KCNT2: variants seen among roughly 807,000 people sequenced by gnomAD.
KCNT2 encodes potassium sodium-activated channel subfamily T member 2.
In KCNT2, 67 loss-of-function variants were observed where a neutral mutation model predicts 153.8. That is an observed-to-expected ratio of 0.44 (90% CI 0.36 to 0.53). KCNT2 has a LOEUF of 0.53. Ranked by LOEUF, KCNT2 falls within the 20% of genes least tolerant of loss-of-function variation. KCNT2 has a pLI of 0.00. For synonymous variants in KCNT2, 500 were observed against 458.8 expected (o/e 1.09, Z -1.15); for missense variants, 975 against 1,354.8 (o/e 0.72, Z 4.40).
At chr1:196,551,551 T>A (rs1657905129) in intron 1 of KCNT2, among the ~76,000 whole-genome samples, 1 of 151,700 alleles carries the variant, frequency 6.6e-6, no homozygotes, top group Non-Finnish European at 1.5e-5. Context: ...AATGTGAATA[T>A]CCTTAGATGC....
intron 14 of KCNT2, among the ~76,000 whole-genome samples, chr1:196,342,660 G>A (rs1275668001): frequency 6.6e-6 from 1 of 151,462 alleles, no homozygotes; most frequent in Admixed American, 6.6e-5. Context: ...TGATACCTGC[G>A]TGGCTGCTGT....
intron 1 of KCNT2, among the ~76,000 whole-genome samples, chr1:196,525,753 A>G (rs998722697): frequency 6.6e-6 from 1 of 152,236 alleles, no homozygotes; most frequent in Non-Finnish European, 1.5e-5. Context: ...GTTTACAGCC[A>G]TGTTGGCCAG....
intron 1 of KCNT2, among the ~76,000 whole-genome samples, chr1:196,572,350 C>T (rs1660879107): frequency 6.6e-6 from 1 of 151,968 alleles, no homozygotes; most frequent in African/African-American, 2.4e-5. Flanking sequence ...GTGTGATGAC[C>T]TAGTCACTGT....
At chr1:196,470,373 G>C (rs1263241828) in intron 5 of KCNT2, among the ~76,000 whole-genome samples, 1 of 152,172 alleles carries the variant, frequency 6.6e-6, no homozygotes, top group African/African-American at 2.4e-5. Context: ...TAAGGCAAAA[G>C]TGCCTATTTT....
At chr1:196,414,822 T>G (rs1672625120) in intron 12 of KCNT2, among the ~76,000 whole-genome samples, 1 of 151,890 alleles carries the variant, frequency 6.6e-6, no homozygotes, top group Non-Finnish European at 1.5e-5. Context: ...CTGACAGTCT[T>G]TAGACAAGTT....
In KCNT2 at chr1:196,555,640, TA is replaced by T. The variant is rs956056173; in HGVS notation, c.95+52574del. Among the ~76,000 whole-genome samples the T allele has an allele frequency of 6.6e-5, 10 of 150,888 alleles. No homozygotes were observed. In the South Asian group the frequency reaches 1.2e-3, roughly 19 times the overall value. ...ATACCAATGACATTCTTCACAGAAA[TA>T]AAAAAATATATAAAATTTATATGGA... is the stretch of plus-strand genomic sequence containing the variant. On this transcript the variant is annotated intron_variant, in intron 1 of 27. Coordinates refer to ENST00000294725, the MANE Select transcript of KCNT2 (RefSeq NM_198503.5).
intron 1 of KCNT2, among the ~76,000 whole-genome samples, chr1:196,584,860 G>A (rs1431831932): frequency 5.3e-5 from 8 of 151,938 alleles, no homozygotes; most frequent in Admixed American, 6.6e-5. Context: ...TAATATTCAG[G>A]AGACTTTGCC....
Position 196,326,745 on chromosome 1 carries a change from T to A in KCNT2, c.2248A>T (p.Asn750Tyr). The A allele has an allele frequency of 5.2e-6, 8 of 1,550,650 alleles. No individual in the cohort carries two copies. Among genetic ancestry groups the A allele is most frequent in the Non-Finnish European group, 6.9e-6 (8 of 1,156,508 alleles). Reference protein sequence around the residue: ...RAYYRPKKELNPIVLLLDNPP... With the variant: ...RAYYRPKKELYPIVLLLDNPP... ...TTATCCAATAGCAGTACTATGGGAT[T>A]AAGTTCTTTCTTTGGTCTATAATAT... is the stretch of plus-strand genomic sequence containing the variant. The change falls in exon 19 of 28, where the codon AAT becomes TAT. Residue 750 changes from asparagine to tyrosine, a missense_variant. Around this residue, in one of 6 missense-constraint regions of KCNT2, gnomAD observed 325 missense variants for 388.1 expected, o/e 0.84. Transcript: ENST00000294725.
intron 1 of KCNT2, among the ~76,000 whole-genome samples, chr1:196,508,299 C>T (rs867121839): frequency 6.7e-6 from 1 of 149,776 alleles, no homozygotes; most frequent in East Asian, 1.9e-4. Flanking sequence ...AAAATTTTAA[C>T]CTTTTATGAA....
At chr1:196,430,931 A>G (rs892038715) in intron 8 of KCNT2, among the ~76,000 whole-genome samples, 1 of 152,148 alleles carries the variant, frequency 6.6e-6, no homozygotes, top group Admixed American at 6.5e-5. Context: ...TCATGTTGAA[A>G]CTTAAATTCA....
At chr1:196,546,074 C>T (rs1161611804) in intron 1 of KCNT2, among the ~76,000 whole-genome samples, 2 of 151,878 alleles carry the variant, frequency 1.3e-5, no homozygotes, top group African/African-American at 4.8e-5. Context: ...CTATGTATAA[C>T]CTTTGAGAAT....
At chr1:196,524,388 A>G (rs951907952) in intron 1 of KCNT2, among the ~76,000 whole-genome samples, 1 of 152,214 alleles carries the variant, frequency 6.6e-6, no homozygotes, top group African/African-American at 2.4e-5. Context: ...GTGGTTTTCC[A>G]GAGAGGAATC....
intron 14 of KCNT2, among the ~76,000 whole-genome samples, chr1:196,367,499 T>C (rs905275584): frequency 6.6e-6 from 1 of 152,214 alleles, no homozygotes; most frequent in Admixed American, 6.5e-5. Flanking sequence ...ATGCATATGT[T>C]TGTATGTAAA....
At chr1:196,429,443 A>T (rs953810473) in intron 9 of KCNT2, 134 bp downstream of exon 9, 4 of 508,428 alleles carry the variant, frequency 7.9e-6, no homozygotes, top group Non-Finnish European at 1.4e-5. Context: ...TATGTAATTG[A>T]TTAAATGTAA....
At chr1:196,463,078 G>A (rs1677293146) in intron 8 of KCNT2, among the ~76,000 whole-genome samples, 1 of 151,630 alleles carries the variant, frequency 6.6e-6, no homozygotes, top group Admixed American at 6.6e-5. Flanking sequence ...AAAAATGGAA[G>A]GAACAAGATA....
chr1:196,360,698 G>A (rs1667545232), intron 14 of KCNT2, among the ~76,000 whole-genome samples: 1 of 152,074 alleles, frequency 6.6e-6, no homozygotes, highest in Non-Finnish European at 1.5e-5. Flanking sequence ...GAAACCCCAT[G>A]TGAGGACACA....
At chr1:196,449,094 A>G (rs1675935111) in intron 8 of KCNT2, among the ~76,000 whole-genome samples, 1 of 151,664 alleles carries the variant, frequency 6.6e-6, no homozygotes. Context: ...ACAAACAAAA[A>G]TCCTGGGGAG....
chr1:196,427,962 T>G (rs892947768), intron 10 of KCNT2, 143 bp downstream of exon 10: 3 of 551,768 alleles, frequency 5.4e-6, no homozygotes, highest in Non-Finnish European at 9.5e-6. Flanking sequence ...CTGGTTATAT[T>G]TGTGGTTCTT....
At chr1:196,477,094 T>C (rs1322340723) in intron 5 of KCNT2, among the ~76,000 whole-genome samples, 1 of 152,206 alleles carries the variant, frequency 6.6e-6, no homozygotes, top group East Asian at 1.9e-4. Context: ...AAGCTGTCAT[T>C]CTTTTCTTTC....
Sources: gnomAD v4.1 joint callset for allele counts (sites outside exome capture counted in the v4.1 genomes callset) on GRCh38, gnomAD v4.1.1 for gene constraint, gnomAD v4.1.1 regional missense constraint, MANE v1.5 for transcripts, NCBI Gene and HGNC (gene_info 2026-07-23, HGNC 2026-07-21) for gene names.